Variants in CREBBP observed in about 807,000 individuals in gnomAD.
CREBBP encodes the protein CREB-binding protein.
CREBBP carries 19 observed loss-of-function variants against 265.0 expected under a neutral mutation model. That is an observed-to-expected ratio of 0.07 (90% confidence interval 0.05 to 0.11). CREBBP has a LOEUF of 0.11. Ranked by LOEUF, CREBBP falls within the 10% of genes least tolerant of loss-of-function variation. CREBBP has a pLI of 1.00. For missense variants in CREBBP, 2,525 were observed against 3,219.0 expected, an observed-to-expected ratio of 0.78 and a Z score of 5.22; for synonymous variants, 1,457 against 1,223.7, an observed-to-expected ratio of 1.19 and a Z score of -3.98.
chr16:3,736,401 C>A, intron 27 of CREBBP, 198 bp from the exon 28 acceptor site: 1 of 744,230 alleles, frequency 1.3e-6, no homozygotes, highest in South Asian at 1.7e-5. Context: ...ATGTGTGCAA[C>A]AGTGATGCAC....
chr16:3,871,538 A>G (rs2055300081), intron 1 of CREBBP, among the ~76,000 whole-genome samples: 1 of 152,232 alleles, frequency 6.6e-6, no homozygotes, highest in Admixed American at 6.5e-5. Context: ...TAGCTCCTGA[A>G]TGTCCTCATT....
At chr16:3,780,228 C>G (rs111714291) in intron 8 of CREBBP, among the ~76,000 whole-genome samples, 247 of 131,866 alleles carry the variant, frequency 1.9e-3, no homozygotes, top group African/African-American at 7.3e-3. Flanking sequence ...AGCAACAGAG[C>G]GAGACTCTGT....
At chr16:3,748,782 T>G (rs2052406759) in intron 21 of CREBBP, among the ~76,000 whole-genome samples, 1 of 152,192 alleles carries the variant, frequency 6.6e-6, no homozygotes, top group Admixed American at 6.5e-5. Flanking sequence ...GAAAAAAATC[T>G]GAAGTCTCTT....
intron 1 of CREBBP, among the ~76,000 whole-genome samples, chr16:3,866,777 A>G (rs1271354498): frequency 6.6e-6 from 1 of 152,120 alleles, no homozygotes; most frequent in African/African-American, 2.4e-5. Flanking sequence ...CACCATTAGC[A>G]TATCTTTCTA....
chr16:3,729,055 CG>C lies in CREBBP; in HGVS notation c.5991del (p.Val1998Ter). The C allele has an allele frequency of 6.3e-7, 1 of 1,585,130 alleles. No individual in the cohort carries two copies. On this transcript the variant is annotated frameshift_variant, in exon 31 of 31. Transcript: ENST00000262367. LOFTEE classifies it high-confidence loss of function. ...TTGGGTCGGGGCACATTCAGGCTCA[CG>C]GGGGCCATCTGGCTCCCCGGGGTCC... ...GMGTPGSQMAPVSLNVPRPNQ... is the reference protein window; with the variant it reads ...GMGTPGSQMAXVSLNVPRPNQ...
Position 3,727,787 on chromosome 16 carries a change from C to T in CREBBP, c.7260G>A (p.Leu2420=), listed in dbSNP as rs2051785268. ...PQLNTPSRSA[L]SSELSLVGDT... ...CCCCGACCAGGGACAGTTCGCTGGA[C>T]AGCGCACTCCTGCTGGGGGTGTTCA... The change falls in exon 31 of 31, where the codon CTG becomes CTA. Residue 2420 remains leucine (L), a synonymous_variant. Transcript: ENST00000262367. The T allele has an allele frequency of 1.2e-6, 2 of 1,614,186 alleles. No individual in the cohort carries two copies. Among genetic ancestry groups the T allele is most frequent in the East Asian group, 4.5e-5 (2 of 44,882 alleles).
intron 2 of CREBBP, among the ~76,000 whole-genome samples, chr16:3,844,147 CAAAAAA>C (rs545907683): frequency 3.0e-4 from 6 of 19,714 alleles, no homozygotes; most frequent in Non-Finnish European, 5.5e-4. Flanking sequence ...GACTCCGTCT[CAAAAAA>C]AAAAAAAAAA....
Position 3,880,389 on chromosome 16 carries a change from C to T in CREBBP, c.-473G>A, listed in dbSNP as rs1053794241. ...GACGACGAGGGGGCTCCGGGCTCCGCTCCCGGCCCGCGGCCCGCCGCCGCC... is the reference window on the plus strand; with the variant it reads ...GACGACGAGGGGGCTCCGGGCTCCGTTCCCGGCCCGCGGCCCGCCGCCGCC... On this transcript the variant is annotated 5_prime_UTR_variant, in exon 1 of 31. Coordinates refer to ENST00000262367, the MANE Select transcript of CREBBP (RefSeq NM_004380.3). 4.2e-5 allele frequency: 6 copies of T among 143,206 alleles called. No individual in the cohort carries two copies. The highest frequency in any genetic ancestry group is 1.5e-4 in the African/African-American group (6 of 39,536). The allele number at this position is 143,206 out of a possible 1,614,324, so 8.9% of individuals were successfully genotyped here.
Position 3,725,620 on chromosome 16 carries a change from G to A in CREBBP, c.*2098C>T. On this transcript the variant is annotated 3_prime_UTR_variant, in exon 31 of 31. Coordinates refer to ENST00000262367, the MANE Select transcript of CREBBP (RefSeq NM_004380.3). The stretch of plus-strand genomic sequence containing the variant: ...ATGGGGTGAATGGGGGCTGGTCAGG[G>A]GTGCCAGATGGTGGTCTTATTTTTA... 4.3e-6 allele frequency: 1 copy of A among 233,308 alleles called. No individual in the cohort carries two copies. The highest frequency in any genetic ancestry group is 8.5e-6 in the Non-Finnish European group (1 of 118,064). 14.5% of individuals were successfully genotyped at this position (233,308 alleles called of 1,614,324 possible).
chr16:3,805,817 C>A (rs1213537478), intron 3 of CREBBP, among the ~76,000 whole-genome samples: 1 of 152,144 alleles, frequency 6.6e-6, no homozygotes, highest in African/African-American at 2.4e-5. Context: ...GATCTTTATT[C>A]CACATCAGAA....
At chr16:3,852,035 C>CAAAAAAAAA (rs551018184) in intron 1 of CREBBP, among the ~76,000 whole-genome samples, 15 of 11,202 alleles carry the variant, frequency 1.3e-3, no homozygotes, top group East Asian at 2.6e-3. Flanking sequence ...GACTCCATCT[C>CAAAAAAAAA]AAAAAAAAAA....
intron 2 of CREBBP, among the ~76,000 whole-genome samples, chr16:3,811,684 C>T (rs753873699): frequency 1.2e-4 from 18 of 151,900 alleles, no homozygotes; most frequent in Non-Finnish European, 2.5e-4. Context: ...AGTAGAGACA[C>T]GGTTTCATCA....
chr16:3,850,774 C>A lies in CREBBP; in HGVS notation c.321G>T (p.Pro107=). 6.2e-7 allele frequency: 1 copy of A among 1,614,060 alleles called. No individual in the cohort carries two copies. Among genetic ancestry groups the A allele is most frequent in the Non-Finnish European group, 8.5e-7 (1 of 1,180,030 alleles). The change falls in exon 2 of 31, where the codon CCG becomes CCT. Residue 107 remains proline, a synonymous_variant. Transcript: ENST00000262367. ...QGLGGQAQGQ[P]NSANMASLSA... The stretch of plus-strand genomic sequence containing the variant: ...TGAGGCTGGCCATGTTAGCACTGTT[C>A]GGCTGCCCTTGAGCCTGGCCACCCA...
chr16:3,756,410 G>A (rs970307170), intron 19 of CREBBP, among the ~76,000 whole-genome samples: 8 of 152,208 alleles, frequency 5.3e-5, no homozygotes, highest in South Asian at 2.1e-4. Flanking sequence ...CCAAAACTAC[G>A]CAAGCTGTAT....
intron 5 of CREBBP, among the ~76,000 whole-genome samples, chr16:3,789,929 A>G (rs1224870312): frequency 6.6e-6 from 1 of 152,138 alleles, no homozygotes; most frequent in Non-Finnish European, 1.5e-5. Context: ...TAAAACAAAA[A>G]CCACATAAGT....
At chr16:3,806,388 A>C (rs1206030312) in intron 3 of CREBBP, among the ~76,000 whole-genome samples, 8 of 152,102 alleles carry the variant, frequency 5.3e-5, no homozygotes, top group Admixed American at 5.2e-4. Flanking sequence ...ATTTTAAATA[A>C]GCAGCACTAC....
At chr16:3,773,290 G>A (rs776945704) in intron 13 of CREBBP, among the ~76,000 whole-genome samples, 1 of 152,128 alleles carries the variant, frequency 6.6e-6, no homozygotes, top group Non-Finnish European at 1.5e-5. Flanking sequence ...TAACAAGAAG[G>A]GAACTATTGA....
chr16:3,800,863 T>G (rs181128032), intron 3 of CREBBP, among the ~76,000 whole-genome samples: 1 of 152,236 alleles, frequency 6.6e-6, no homozygotes, highest in Non-Finnish European at 1.5e-5. Flanking sequence ...ATTCTTTCTA[T>G]GACTAAAATC....
chr16:3,814,882 C>A (rs1425372834), intron 2 of CREBBP, among the ~76,000 whole-genome samples: 1 of 152,206 alleles, frequency 6.6e-6, no homozygotes, highest in Non-Finnish European at 1.5e-5. Flanking sequence ...AGGGCCAGCC[C>A]CAGCCTCTCC....
Sources: gnomAD v4.1 joint callset for allele counts (sites outside exome capture counted in the v4.1 genomes callset) on GRCh38, gnomAD v4.1.1 for gene constraint, MANE v1.5 for transcripts, NCBI Gene and HGNC (gene_info 2026-07-23, HGNC 2026-07-21) for gene names.